Variants in LRIG1 observed in about 807,000 individuals in gnomAD.
LRIG1 encodes the protein leucine rich repeats and immunoglobulin like domains 1, also known as leucine-rich repeats and immunoglobulin-like domains protein 1.
Under a neutral mutation model 99.2 loss-of-function variants are expected in LRIG1, and 48 were observed. That is an observed-to-expected ratio of 0.48 (90% CI 0.38 to 0.62). The LOEUF (loss-of-function observed/expected upper bound fraction) is 0.62. LRIG1 is among the 20% of genes least tolerant of loss of function. LRIG1 has a pLI of 0.00. For missense variants in LRIG1, 1,646 were observed against 1,434.4 expected, an observed-to-expected ratio of 1.15 and a Z score of -2.38; for synonymous variants, 772 against 596.1, an observed-to-expected ratio of 1.29 and a Z score of -4.30.
At chr3:66,497,307 G>A (rs1435637629) in intron 1 of LRIG1, among the ~76,000 whole-genome samples, 1 of 152,208 alleles carries the variant, frequency 6.6e-6, no homozygotes, top group African/African-American at 2.4e-5. Context: ...AGAGTCTAAG[G>A]TAAACTGTAT....
rs1045346549 is a variant in LRIG1, at chr3:66,404,326, G to A, written c.1160+872C>T. ...TGCTGAGCTCCCCGTCACTGGGGACGGGCTGGGGGAATCGAGCGGCAGCCG... is the reference window on the plus strand; with the variant it reads ...TGCTGAGCTCCCCGTCACTGGGGACAGGCTGGGGGAATCGAGCGGCAGCCG... On this transcript the variant is annotated intron_variant, in intron 9 of 18. Transcript: ENST00000273261. 63 of 1,287,572 alleles carry A rather than the reference G, an allele frequency of 4.9e-5. No homozygotes were observed. The African/African-American group carries it at 7.0e-4, about 14-fold the overall frequency. The allele number at this position is 1,287,572 out of a possible 1,614,324, so 79.8% of individuals were successfully genotyped here.
chr3:66,451,289 T>C (rs775910518), intron 3 of LRIG1, among the ~76,000 whole-genome samples: 43 of 150,892 alleles, frequency 2.8e-4, no homozygotes, highest in Admixed American at 6.6e-4. Context: ...AGAAATCTAG[T>C]TCCATATACC....
At chr3:66,493,359 G>A (rs578227937) in intron 1 of LRIG1, among the ~76,000 whole-genome samples, 60 of 152,226 alleles carry the variant, frequency 3.9e-4, no homozygotes, top group African/African-American at 1.4e-3. Context: ...ATAACTATTT[G>A]TACAACTGGA....
intron 1 of LRIG1, among the ~76,000 whole-genome samples, chr3:66,479,947 C>T (rs910521123): frequency 1.3e-5 from 2 of 152,194 alleles, no homozygotes; most frequent in African/African-American, 2.4e-5. Flanking sequence ...TTCCACTCCT[C>T]GGTATATGCC....
At chr3:66,399,121 A>T in intron 9 of LRIG1, 80 bp from the exon 10 acceptor site, 1 of 1,177,472 alleles carries the variant, frequency 8.5e-7, no homozygotes, top group East Asian at 2.4e-5. Context: ...AAAAAGAAAA[A>T]GAAAACACAC....
At chr3:66,476,925 G>GA (rs2106882867) in intron 1 of LRIG1, among the ~76,000 whole-genome samples, 1 of 152,300 alleles carries the variant, frequency 6.6e-6, no homozygotes, top group East Asian at 1.9e-4. Flanking sequence ...CCTTCAAAGT[G>GA]AAATTGTGAT....
At chr3:66,431,498 G>C (rs1703171095) in intron 3 of LRIG1, among the ~76,000 whole-genome samples, 1 of 152,166 alleles carries the variant, frequency 6.6e-6, no homozygotes, top group Admixed American at 6.5e-5. Context: ...CCGCCAACTA[G>C]GGTGAGGTGG....
Position 66,380,303 on chromosome 3 carries a change from C to G in LRIG1, c.3242G>C (p.Gly1081Ala). 6.2e-7 allele frequency: 1 copy of G among 1,613,910 alleles called. No individual in the cohort carries two copies. The highest frequency in any genetic ancestry group is 8.5e-7 in the Non-Finnish European group (1 of 1,179,828). ...ESTPLTGQLP[G>A]KQRVPLLLAP... ...CAACAGCAGTGGCACCCTCTGTTTC[C>G]CGGGGAGCTGTCCTGTCAGTGGCGT... Residue 1081 changes from glycine (G) to alanine (A), a missense_variant, in exon 19 of 19, where the codon GGG becomes GCG. Gly to Ala is a moderately conservative substitution (Grantham distance 60, BLOSUM62 0). Transcript: ENST00000273261.
intron 1 of LRIG1, among the ~76,000 whole-genome samples, chr3:66,467,451 C>T (rs1700500160): frequency 6.7e-6 from 1 of 150,294 alleles, no homozygotes; most frequent in East Asian, 2.0e-4. Flanking sequence ...GCTCCGTCTC[C>T]TGGGTTCACA....
At chr3:66,430,514 C>G (rs1222521505) in intron 3 of LRIG1, among the ~76,000 whole-genome samples, 1 of 152,194 alleles carries the variant, frequency 6.6e-6, no homozygotes, top group Admixed American at 6.5e-5. Context: ...CCTGAGGTCC[C>G]CATCCACACG....
rs148694957 is a variant in LRIG1, at chr3:66,499,339, C to A, written c.218+851G>T. Among the ~76,000 whole-genome samples the A allele has an allele frequency of 8.0e-4, 122 of 152,296 alleles. No individual in the cohort carries two copies. The East Asian group carries it at 9.1e-3, about 11-fold the overall frequency. On this transcript the variant is annotated intron_variant, in intron 1 of 18. Transcript: ENST00000273261. ...AAACAAACAGCTTAAATCAGCCAAG[C>A]CCCTGGCACCCTCTCCTGAAGCAGC...
At chr3:66,475,036 T>A (rs1396340520) in intron 1 of LRIG1, among the ~76,000 whole-genome samples, 1 of 152,088 alleles carries the variant, frequency 6.6e-6, no homozygotes, top group African/African-American at 2.4e-5. Flanking sequence ...CATCTTCACA[T>A]CCAAACAGAA....
At chr3:66,483,556 G>A (rs897163920) in intron 1 of LRIG1, among the ~76,000 whole-genome samples, 6 of 152,210 alleles carry the variant, frequency 3.9e-5, no homozygotes. Context: ...ACCTTGGCCT[G>A]GTCATCCTTT....
At chr3:66,480,294 GA>G (rs1559820533) in intron 1 of LRIG1, among the ~76,000 whole-genome samples, 1 of 152,162 alleles carries the variant, frequency 6.6e-6, no homozygotes, top group Admixed American at 6.5e-5. Context: ...GTTGCCGGGG[GA>G]TGGGAGGAAG....
rs1401194058 is a variant in LRIG1 at position 66,423,291 on chromosome 3, C to G, written c.366-6025G>C. On this transcript the variant is annotated intron_variant, in intron 3 of 18. Transcript: ENST00000273261. ...ACCACAATTTAAAATTAAAACAAGG[C>G]CAGGCACGGTGGCTCACGCCTGTAA... is the stretch of plus-strand genomic sequence containing the variant. Among the ~76,000 whole-genome samples the G allele has an allele frequency of 2.0e-5, 3 of 152,144 alleles. No individual in the cohort carries two copies. The East Asian group carries it at 5.8e-4, about 29-fold the overall frequency.
chr3:66,413,443 GA>G (rs1269786665), intron 5 of LRIG1, among the ~76,000 whole-genome samples: 1 of 152,194 alleles, frequency 6.6e-6, no homozygotes, highest in East Asian at 1.9e-4. Flanking sequence ...CTCAACCCAG[GA>G]AAAACCAAAC....
chr3:66,470,346 G>A (rs1700569173), intron 1 of LRIG1, among the ~76,000 whole-genome samples: 3 of 152,168 alleles, frequency 2.0e-5, no homozygotes, highest in Admixed American at 6.5e-5. Flanking sequence ...AATGAGAAAC[G>A]TTTATTGAAA....
At chr3:66,418,184 T>A (rs1204909193) in intron 3 of LRIG1, among the ~76,000 whole-genome samples, 1 of 152,132 alleles carries the variant, frequency 6.6e-6, no homozygotes, top group Non-Finnish European at 1.5e-5. Flanking sequence ...CTCCGCCTCC[T>A]GGGTTCAAGC....
chr3:66,462,354 G>T, intron 2 of LRIG1, 84 bp downstream of exon 2: 1 of 928,128 alleles, frequency 1.1e-6, no homozygotes, highest in Non-Finnish European at 1.8e-6. Context: ...GGATCTAGGG[G>T]AGTGAGCGAT....
Sources: gnomAD v4.1 joint callset for allele counts (sites outside exome capture counted in the v4.1 genomes callset) on GRCh38, gnomAD v4.1.1 for gene constraint, MANE v1.5 for transcripts, NCBI Gene and HGNC (gene_info 2026-07-23, HGNC 2026-07-21) for gene names.